Variants in FRMPD4 observed in about 807,000 individuals in gnomAD.
FRMPD4 encodes the protein FERM and PDZ domain containing 4.
Under a neutral mutation model 94.1 loss-of-function variants are expected in FRMPD4, and 22 were observed. The observed-to-expected ratio is 0.23, with a 90% CI of 0.17 to 0.33. The LOEUF (loss-of-function observed/expected upper bound fraction) is 0.33, where lower values mean the gene tolerates loss of function less well. Ranked by LOEUF, FRMPD4 falls within the 10% of genes least tolerant of loss-of-function variation. The pLI, the probability that FRMPD4 is intolerant of heterozygous loss-of-function variation, is 1.00. For synonymous variants in FRMPD4, 631 were observed against 548.6 expected (o/e 1.15, Z -2.10); for missense variants, 1,111 against 1,339.9 (o/e 0.83, Z 2.67).
chrX:11,901,339 G>A (rs1319282071), intron 3 of FRMPD4, among the ~76,000 whole-genome samples: 1 of 112,063 alleles, frequency 8.9e-6, no homozygotes, highest in Admixed American at 9.4e-5. Context: ...TTATAAGTGA[G>A]AACATATGAT....
intron 1 of FRMPD4, among the ~76,000 whole-genome samples, chrX:12,298,457 T>C (rs962449379): frequency 2.7e-5 from 3 of 112,560 alleles, no homozygotes; most frequent in Non-Finnish European, 5.6e-5. Context: ...GATTCCCTTA[T>C]AGTAGCTGTT....
intron 3 of FRMPD4, 68 bp from the exon 4 acceptor site, chrX:12,614,711 C>G: frequency 1.8e-6 from 1 of 565,601 alleles, no homozygotes. Context: ...GAATCATGAT[C>G]AGGAGAGGAG....
chrX:12,660,866 C>T (rs1039271806), intron 4 of FRMPD4, among the ~76,000 whole-genome samples: 20 of 111,758 alleles, frequency 1.8e-4, no homozygotes, highest in East Asian at 8.5e-4. Flanking sequence ...TCCAAGATGG[C>T]TTCTTTTGTC....
intron 1 of FRMPD4, among the ~76,000 whole-genome samples, chrX:12,250,022 T>TTCTC (rs3835008): frequency 5.2e-4 from 51 of 97,531 alleles, no homozygotes; most frequent in Non-Finnish European, 7.8e-4. Context: ...AATTATGGTA[T>TTCTC]TCTCTCTCTC....
chrX:11,872,055 T>C (rs771057593), intron 2 of FRMPD4, among the ~76,000 whole-genome samples: 2 of 112,318 alleles, frequency 1.8e-5, no homozygotes, highest in Non-Finnish European at 3.8e-5. Flanking sequence ...TTTTGCCAGC[T>C]ATGAGTTTTA....
chrX:12,371,443 AC>A (rs1055760946), intron 1 of FRMPD4, among the ~76,000 whole-genome samples: 1 of 112,180 alleles, frequency 8.9e-6, no homozygotes, highest in African/African-American at 3.2e-5. Context: ...TCCCTCATTA[AC>A]CCTTATTTTC....
At chrX:12,547,363 C>T (rs189844262) in intron 2 of FRMPD4, among the ~76,000 whole-genome samples, 8 of 111,858 alleles carry the variant, frequency 7.2e-5, no homozygotes, top group Non-Finnish European at 1.5e-4. Context: ...AAACCATAGC[C>T]CATCACCTGT....
chrX:12,253,912 G>C (rs1397931613), intron 1 of FRMPD4, among the ~76,000 whole-genome samples: 5 of 111,123 alleles, frequency 4.5e-5, no homozygotes, highest in African/African-American at 1.3e-4. Flanking sequence ...AATAATGTTT[G>C]TTGGGTTTTT....
At chrX:12,332,207 TAGAG>T (rs531737337) in intron 1 of FRMPD4, among the ~76,000 whole-genome samples, 2,360 of 59,507 alleles carry the variant, frequency 0.04, 132 homozygotes, top group Middle Eastern at 0.082. Flanking sequence ...TATATATATA[TAGAG>T]AGAGAGAGAG....
At chrX:12,518,886 A>G (rs1405045194) in intron 2 of FRMPD4, among the ~76,000 whole-genome samples, 1 of 112,261 alleles carries the variant, frequency 8.9e-6, no homozygotes, top group Non-Finnish European at 1.9e-5. Flanking sequence ...CAGGTCACAG[A>G]ACAGTCAGTT....
At chrX:12,333,714 C>T (rs895703445) in intron 1 of FRMPD4, among the ~76,000 whole-genome samples, 1 of 111,807 alleles carries the variant, frequency 8.9e-6, no homozygotes, top group African/African-American at 3.2e-5. Flanking sequence ...TATTGTTTAA[C>T]AAGCCAACCA....
chrX:12,008,317 C>T (rs1197607977), intron 3 of FRMPD4, among the ~76,000 whole-genome samples: 4 of 111,549 alleles, frequency 3.6e-5, no homozygotes, highest in Non-Finnish European at 5.6e-5. Flanking sequence ...AGTATTCAAC[C>T]CCAGGGGTTC....
intron 1 of FRMPD4, among the ~76,000 whole-genome samples, chrX:12,228,601 G>A (rs2056949512): frequency 8.9e-6 from 1 of 112,294 alleles, no homozygotes; most frequent in South Asian, 3.6e-4. Flanking sequence ...GACACTGGTA[G>A]TCAATGTGAT....
In FRMPD4 at chrX:12,139,694, G is replaced by C. The variant is rs927001553; in HGVS notation, c.41+682G>C. Among the ~76,000 whole-genome samples, 3 of 111,783 alleles carry C rather than the reference G, an allele frequency of 2.7e-5. 1 individual carries two copies. In the Admixed American group the frequency reaches 2.8e-4, roughly 11 times the overall value. ...ACTGATAAAAGAGGAACATTTCCAC[G>C]CTTGGGCCGCCTAGGTGTTGCCTGG... On this transcript the variant is annotated intron_variant, in intron 1 of 16. Coordinates refer to ENST00000675598, the MANE Select transcript of FRMPD4 (RefSeq NM_001368397.1).
At chrX:12,386,853 G>A (rs2056403581) in intron 1 of FRMPD4, among the ~76,000 whole-genome samples, 1 of 111,274 alleles carries the variant, frequency 9.0e-6, no homozygotes, top group South Asian at 3.8e-4. Context: ...TAGCCTTATG[G>A]GGCGGGGTGG....
intron 1 of FRMPD4, among the ~76,000 whole-genome samples, chrX:12,464,288 T>C (rs1474665861): frequency 8.9e-6 from 1 of 111,855 alleles, no homozygotes; most frequent in Non-Finnish European, 1.9e-5. Flanking sequence ...GACCTAGAAC[T>C]ATCCACCATA....
chrX:12,039,697 C>T (rs947029184), intron 3 of FRMPD4, among the ~76,000 whole-genome samples: 4 of 110,415 alleles, frequency 3.6e-5, no homozygotes, highest in African/African-American at 9.9e-5. Flanking sequence ...AGGCTGGATA[C>T]GGTGGCTCAT....
At chrX:12,331,749 T>TTATATA (rs2055393334) in intron 1 of FRMPD4, among the ~76,000 whole-genome samples, 1 of 65,769 alleles carries the variant, frequency 1.5e-5, no homozygotes, top group Admixed American at 2.5e-4. Flanking sequence ...AATTTATATA[T>TTATATA]TTATATACTA....
chrX:12,588,716 A>G (rs759282775), intron 2 of FRMPD4, among the ~76,000 whole-genome samples: 4 of 112,136 alleles, frequency 3.6e-5, no homozygotes, highest in Non-Finnish European at 5.6e-5. Flanking sequence ...CCCTTTTGTA[A>G]TGAAATCTCC....
Sources: gnomAD v4.1 joint callset for allele counts (sites outside exome capture counted in the v4.1 genomes callset) on GRCh38, gnomAD v4.1.1 for gene constraint, MANE v1.5 for transcripts, NCBI Gene and HGNC (gene_info 2026-07-23, HGNC 2026-07-21) for gene names.